DCAF6: variants seen among roughly 807,000 people sequenced by gnomAD.
DCAF6 encodes DDB1 and CUL4 associated factor 6.
DCAF6 carries 54 observed loss-of-function variants against 125.1 expected under a neutral mutation model. The observed-to-expected ratio is 0.43, with a 90% CI of 0.35 to 0.54. The LOEUF (loss-of-function observed/expected upper bound fraction) is 0.54, where lower values mean the gene tolerates loss of function less well. Ranked by LOEUF, DCAF6 falls within the 20% of genes least tolerant of loss-of-function variation. The pLI is 0.01. For missense variants in DCAF6, 934 were observed against 1,161.7 expected (o/e 0.80, Z 2.85); for synonymous variants, 371 against 390.4 (o/e 0.95, Z 0.58).
the DCAF6 span, chr1:167,878,467 T>C: frequency 1.2e-4 from 188 of 1,614,074 alleles, no homozygotes; most frequent in Admixed American, 2.8e-4. Context: ...ACGGCCCCAA[T>C]ACTGATACAA....
chr1:168,004,726 A>G lies in DCAF6; in HGVS notation c.1311A>G (p.Leu437=), dbSNP rs115058304. 85 of 1,614,008 alleles carry G rather than the reference A, an allele frequency of 5.3e-5. No homozygotes were observed. The highest frequency in any genetic ancestry group is 1.3e-4 in the South Asian group (12 of 91,068). Residue 437 remains leucine (L), a synonymous_variant, in exon 10 of 22, where the codon CTA becomes CTG. Coordinates refer to ENST00000367840, the MANE Select transcript of DCAF6 (RefSeq NM_001198956.2). ...PTESPHSTPL[L]SSPDSEQRQS... is the part of the protein sequence containing the mutation. ...AAAGCCCTCATTCTACTCCTTTGCTATCTTCTCCAGACAGTGAACAAAGGC... is the reference window on the plus strand; with the variant it reads ...AAAGCCCTCATTCTACTCCTTTGCTGTCTTCTCCAGACAGTGAACAAAGGC...
chr1:167,891,789 C>T, the DCAF6 span, among the ~76,000 whole-genome samples: 1 of 152,004 alleles, frequency 6.6e-6, no homozygotes, highest in Non-Finnish European at 1.5e-5. Context: ...CGAAATAGCA[C>T]AGAAGTGTCA....
At chr1:167,940,565 TTAAATG>T (rs2102621056) in intron 1 of DCAF6, among the ~76,000 whole-genome samples, 2 of 152,230 alleles carry the variant, frequency 1.3e-5, no homozygotes, top group South Asian at 4.1e-4. Flanking sequence ...GTTTAAATGT[TTAAATG>T]TAATAGTTTC....
chr1:167,937,160 G>C (rs1296372209), intron 1 of DCAF6, 152 bp downstream of exon 1: 1 of 648,554 alleles, frequency 1.5e-6, no homozygotes, highest in African/African-American at 1.9e-5. Context: ...GCCGAATTCC[G>C]TGCCGGTGCC....
chr1:167,875,326 C>T, the DCAF6 span: 15,269 of 812,752 alleles, frequency 0.019, 284 homozygotes, highest in East Asian at 0.093. Flanking sequence ...GGGTCGCAAA[C>T]GCCAAAAGAA....
chr1:167,928,580 CAT>C, the DCAF6 span, among the ~76,000 whole-genome samples: 6 of 152,124 alleles, frequency 3.9e-5, no homozygotes, highest in African/African-American at 1.4e-4. Flanking sequence ...CATTTCTAAA[CAT>C]AAAGTTTTGA....
At position 168,064,292 on chromosome 1, in the gene DCAF6, G is replaced by A. The variant is rs139105556; in HGVS notation, c.2439+533G>A. On this transcript the variant is annotated intron_variant, in intron 18 of 21. Coordinates refer to ENST00000367840, the MANE Select transcript of DCAF6 (RefSeq NM_001198956.2). ...CTCTAAGATCTTTTGTAGTTTTTAC[G>A]ATCTACAAGTTTCTACACCCAGTGT... 2.6e-5 allele frequency among the ~76,000 whole-genome samples: 4 copies of A among 151,868 alleles called. 1 individual carries two copies. Among genetic ancestry groups the A allele is most frequent in the Admixed American group, 2.6e-4 (4 of 15,246 alleles).
At chr1:168,074,045 T>C (rs1485972547) in intron 21 of DCAF6, among the ~76,000 whole-genome samples, 4 of 151,286 alleles carry the variant, frequency 2.6e-5, no homozygotes, top group Admixed American at 6.6e-5. Flanking sequence ...TGAATACTTA[T>C]TTGTATTCAA....
chr1:168,015,959 ATG>A lies in DCAF6; in HGVS notation c.1549+10_1549+11del. ...AGGACCCTCATGCTTCAGGTTATTAATGTCAAGTGTCCTTAAGCAGCTGATAG... is the reference window on the plus strand; with the variant it reads ...AGGACCCTCATGCTTCAGGTTATTAATCAAGTGTCCTTAAGCAGCTGATAG... On this transcript the variant is annotated intron_variant, in intron 11 of 21. Transcript: ENST00000367840. 1 of 1,475,370 alleles carries A rather than the reference ATG, an allele frequency of 6.8e-7. No individual in the cohort carries two copies. Among genetic ancestry groups the A allele is most frequent in the Admixed American group, 2.5e-5 (1 of 39,764 alleles). 91.4% of individuals were successfully genotyped at this position (1,475,370 alleles called of 1,614,324 possible). A position where few individuals can be genotyped will look rare whatever the true frequency, so the allele number is the denominator to read the frequency against.
chr1:167,926,622 G>A, the DCAF6 span, among the ~76,000 whole-genome samples: 2 of 150,738 alleles, frequency 1.3e-5, no homozygotes, highest in African/African-American at 4.8e-5. Flanking sequence ...TGCTGCAGAT[G>A]CTGCTGCTGC....
the DCAF6 span, among the ~76,000 whole-genome samples, chr1:167,872,070 G>C: frequency 6.6e-6 from 1 of 152,056 alleles, no homozygotes; most frequent in Admixed American, 6.5e-5. Flanking sequence ...GGCTGGGAGC[G>C]GTGGCTCACG....
intron 4 of DCAF6, among the ~76,000 whole-genome samples, chr1:167,975,521 T>C (rs968035583): frequency 1.3e-5 from 2 of 152,192 alleles, no homozygotes; most frequent in Non-Finnish European, 2.9e-5. Context: ...TTTAGTGCTT[T>C]ATGTGGTTCA....
the DCAF6 span, among the ~76,000 whole-genome samples, chr1:167,897,556 GATGCAGA>G: frequency 0.071 from 1 of 14 alleles, no homozygotes; most frequent in African/African-American, 0.17. Context: ...TGTTGTTGGA[GATGCAGA>G]AGAGATGAGA....
the DCAF6 span, among the ~76,000 whole-genome samples, chr1:167,922,271 A>C: frequency 6.6e-6 from 1 of 152,172 alleles, no homozygotes; most frequent in Non-Finnish European, 1.5e-5. Context: ...AGAGACAGAT[A>C]GTCAAGAAGG....
At chr1:167,888,397 T>C in the DCAF6 span, among the ~76,000 whole-genome samples, 1 of 152,196 alleles carries the variant, frequency 6.6e-6, no homozygotes, top group African/African-American at 2.4e-5. Context: ...TCTATAAGCA[T>C]GGAATATCTT....
the DCAF6 span, among the ~76,000 whole-genome samples, chr1:167,912,964 T>C: frequency 7.2e-5 from 11 of 152,368 alleles, no homozygotes; most frequent in East Asian, 1.5e-3. Context: ...TTGTTTCTAC[T>C]ATATCATGCT....
At chr1:167,902,009 C>T in the DCAF6 span, 1 of 1,613,832 alleles carries the variant, frequency 6.2e-7, no homozygotes, top group Non-Finnish European at 8.5e-7. Context: ...TTAGTAAGCC[C>T]CCATACCTGC....
the DCAF6 span, chr1:167,899,670 G>A: frequency 6.3e-7 from 1 of 1,591,964 alleles, no homozygotes; most frequent in East Asian, 2.2e-5. Context: ...AGAAGTTCTG[G>A]ATTATTTCCC....
the DCAF6 span, among the ~76,000 whole-genome samples, chr1:167,928,319 GAA>G: frequency 4.4e-5 from 4 of 91,482 alleles, no homozygotes; most frequent in African/African-American, 1.2e-4. Flanking sequence ...CTGCACTCCA[GAA>G]AAAAAAAAAA....
Sources: allele counts gnomAD v4.1 joint callset (sites outside exome capture counted in the v4.1 genomes callset), GRCh38; gene constraint gnomAD v4.1.1; transcripts MANE v1.5; gene names NCBI Gene and HGNC (gene_info 2026-07-23, HGNC 2026-07-21).